Variants in PCYT1A observed in about 807,000 individuals in gnomAD.
The protein encoded by PCYT1A is phosphate cytidylyltransferase 1A, choline.
A neutral mutation model predicts 43.7 loss-of-function variants in PCYT1A; 25 were observed. The observed-to-expected ratio is 0.57, with a 90% confidence interval of 0.42 to 0.80. The LOEUF is 0.80. Ranked by LOEUF, PCYT1A falls within the 30% of genes least tolerant of loss-of-function variation. PCYT1A has a pLI of 0.00. For synonymous variants in PCYT1A, 172 were observed against 170.7 expected, an observed-to-expected ratio of 1.01 and a Z score of -0.06; for missense variants, 421 against 474.2, an observed-to-expected ratio of 0.89 and a Z score of 1.04.
rs1218406710 is a variant in PCYT1A, at chr3:196,252,613, C to G, written c.218-4290G>C. On this transcript the variant is annotated intron_variant, in intron 3 of 8. Transcript: ENST00000431016. This position sits in a 1 kb window ranked among gnomAD's most constrained non-coding sequence, Gnocchi z 4.0. ...TTAAATATACCAATCCAATGAAAAA[C>G]TAAGAATTAATTAATGGATTTAAGA... Among the ~76,000 whole-genome samples, 2 of 152,182 alleles carry G rather than the reference C, an allele frequency of 1.3e-5. No individual in the cohort carries two copies. The highest frequency in any genetic ancestry group is 2.9e-5 in the Non-Finnish European group (2 of 68,034).
rs1450269951 is a variant in PCYT1A at position 196,252,140 on chromosome 3, TGCACACCGCCACGCCCCACTGGCTACAGC to T, written c.218-3846_218-3818del. Among the ~76,000 whole-genome samples the T allele has an allele frequency of 1.4e-4, 21 of 150,994 alleles. No homozygotes were observed. The highest frequency in any genetic ancestry group is 9.9e-4 in the Admixed American group (15 of 15,148). On this transcript the variant is annotated intron_variant, in intron 3 of 8. Coordinates refer to ENST00000431016, the MANE Select transcript of PCYT1A (RefSeq NM_001312673.2). The surrounding 1 kb of genome is among the most constrained non-coding windows in gnomAD (Gnocchi z 4.0). ...CCCCGCCACGCCCCACTGGCTACAGTGCACACCGCCACGCCCCACTGGCTACAGCGCACACCACTACGCTCAGCTGATTT... is the reference window on the plus strand; with the variant it reads ...CCCCGCCACGCCCCACTGGCTACAGTGCACACCACTACGCTCAGCTGATTT...
chr3:196,253,813 G>T (rs993039514), intron 3 of PCYT1A, among the ~76,000 whole-genome samples: 1 of 152,002 alleles, frequency 6.6e-6, no homozygotes, highest in Non-Finnish European at 1.5e-5. Context: ...GAAAGCTAGC[G>T]TTAGCCATTC....
intron 2 of PCYT1A, among the ~76,000 whole-genome samples, chr3:196,270,098 AG>A (rs1725387555): frequency 6.6e-6 from 1 of 152,180 alleles, no homozygotes; most frequent in African/African-American, 2.4e-5. Flanking sequence ...TCCTGACCTC[AG>A]GTGATCCTCC....
rs1724157009 is a variant in PCYT1A, at chr3:196,236,173, G to C, written c.*2515C>G. 1 of 152,184 alleles carries C rather than the reference G, an allele frequency of 6.6e-6. No homozygotes were observed. The highest frequency in any genetic ancestry group is 2.1e-4 in the South Asian group (1 of 4,824). 9.4% of individuals were successfully genotyped at this position (152,184 alleles called of 1,614,324 possible). On this transcript the variant is annotated 3_prime_UTR_variant, in exon 9 of 9. Transcript: ENST00000431016. ...AGAGGAAGAGGGCTCAAACATTTGG[G>C]ACCCAGACAATATATTTAGGAGGTA...
chr3:196,269,441 T>C (rs1405643503), intron 2 of PCYT1A, among the ~76,000 whole-genome samples: 2 of 152,184 alleles, frequency 1.3e-5, no homozygotes, highest in Non-Finnish European at 2.9e-5. Flanking sequence ...CACTGGGATT[T>C]TGAAACACAG....
intron 1 of PCYT1A, among the ~76,000 whole-genome samples, chr3:196,281,154 A>G (rs963707854): frequency 6.6e-5 from 10 of 152,182 alleles, no homozygotes; most frequent in African/African-American, 2.2e-4. Context: ...CAGACTTTAC[A>G]TTTGGGATGT....
Position 196,273,563 on chromosome 3 carries a change from A to C in PCYT1A, c.-10-3022T>G, listed in dbSNP as rs1025414525. Among the ~76,000 whole-genome samples, 1 of 150,686 alleles carries C rather than the reference A, an allele frequency of 6.6e-6. No homozygotes were observed. Among genetic ancestry groups the C allele is most frequent in the Admixed American group, 6.6e-5 (1 of 15,222 alleles). On this transcript the variant is annotated intron_variant, in intron 1 of 8. Coordinates refer to ENST00000431016, the MANE Select transcript of PCYT1A (RefSeq NM_001312673.2). The surrounding 1 kb of genome is among the most constrained non-coding windows in gnomAD (Gnocchi z 4.1). Reference sequence around the variant, plus strand: ...TCGTCCCAGCATCTGTGCAGCCCTCAGCGGAGAGGAGACCCAGAGTGGATA... The same window carrying C: ...TCGTCCCAGCATCTGTGCAGCCCTCCGCGGAGAGGAGACCCAGAGTGGATA...
intron 7 of PCYT1A, 128 bp downstream of exon 7, chr3:196,241,820 T>C (rs1191103230): frequency 8.2e-7 from 1 of 1,225,958 alleles, no homozygotes; most frequent in East Asian, 2.4e-5. Flanking sequence ...AACATAGTGG[T>C]AATTCATTCA....
chr3:196,270,368 G>A, intron 2 of PCYT1A, 47 bp downstream of exon 2: 1 of 1,084,174 alleles, frequency 9.2e-7, no homozygotes, highest in Non-Finnish European at 1.4e-6. Flanking sequence ...TATCATCAAT[G>A]TCATATCGGT....
chr3:196,239,272 T>C (rs1724278694), intron 8 of PCYT1A, among the ~76,000 whole-genome samples: 1 of 152,216 alleles, frequency 6.6e-6, no homozygotes, highest in Non-Finnish European at 1.5e-5. Context: ...CTATCTAAAA[T>C]CATACCACAG....
rs1358377462 is a variant in PCYT1A at position 196,247,552 on chromosome 3, T to C, written c.335-34A>G. On this transcript the variant is annotated intron_variant, in intron 4 of 8. Coordinates refer to ENST00000431016, the MANE Select transcript of PCYT1A (RefSeq NM_001312673.2). This position sits in a 1 kb window ranked among gnomAD's most constrained non-coding sequence, Gnocchi z 4.8. ...CCACATCATAAATTGTGTGTTGGAG[T>C]CCTCTTTGCTTAGCACCTCCTCAGC... 1.2e-6 allele frequency: 2 copies of C among 1,608,990 alleles called. No individual in the cohort carries two copies. The highest frequency in any genetic ancestry group is 4.5e-5 in the East Asian group (2 of 44,850).
At chr3:196,245,369 A>C (rs1384008409) in intron 5 of PCYT1A, among the ~76,000 whole-genome samples, 1 of 152,106 alleles carries the variant, frequency 6.6e-6, no homozygotes, top group African/African-American at 2.4e-5. Flanking sequence ...CGAACTCCTG[A>C]CCTCAAGTGA....
intron 1 of PCYT1A, among the ~76,000 whole-genome samples, chr3:196,286,339 G>A (rs1033330612): frequency 3.3e-5 from 5 of 152,128 alleles, no homozygotes; most frequent in African/African-American, 1.2e-4. Context: ...GTTAGGCCAG[G>A]CTAATACAGC....
At chr3:196,253,092 C>G (rs771494588) in intron 3 of PCYT1A, among the ~76,000 whole-genome samples, 7 of 152,044 alleles carry the variant, frequency 4.6e-5, no homozygotes, top group Non-Finnish European at 8.8e-5. Context: ...AATCCCAGCA[C>G]TTTGGGAGGC....
rs558373732 is a variant in PCYT1A at position 196,247,445 on chromosome 3, G to A, written c.408C>T (p.Val136=). The A allele has an allele frequency of 1.9e-6, 3 of 1,614,100 alleles. No individual in the cohort carries two copies. Among genetic ancestry groups the A allele is most frequent in the Admixed American group, 3.3e-5 (2 of 60,024 alleles). The change falls in exon 5 of 9, where the codon GTC becomes GTT. Residue 136 remains valine (V), a synonymous_variant. Transcript: ENST00000431016. This position sits in a 1 kb window ranked among gnomAD's most constrained non-coding sequence, Gnocchi z 4.8. ...CCTCATCCACGTAGCGGCAGTGCTG[G>A]ACTGCGTCATAGCGCTCATTCTCGT... ...VMNENERYDA[V]QHCRYVDEVV...
Position 196,238,732 on chromosome 3 carries a change from G to A in PCYT1A, c.1060C>T (p.His354Tyr), listed in dbSNP as rs774160718. ...PPCSPANLSRHKAAAYDISED... is the reference protein window; with the variant it reads ...PPCSPANLSRYKAAAYDISED... ...CTGATATCATAGGCTGCAGCCTTGTGCCTGGAGAGATTTGCTGGGGAGCAA... is the reference window on the plus strand; with the variant it reads ...CTGATATCATAGGCTGCAGCCTTGTACCTGGAGAGATTTGCTGGGGAGCAA... The change falls in exon 9 of 9, where the codon CAC (histidine) becomes TAC (tyrosine). Residue 354 changes from histidine to tyrosine, a missense_variant. His to Tyr is a moderately conservative substitution (Grantham distance 83, BLOSUM62 2). Around this residue, in one of 3 missense-constraint regions of PCYT1A, gnomAD observed 108 missense variants for 85.7 expected, o/e 1.26. Coordinates refer to ENST00000431016, the MANE Select transcript of PCYT1A (RefSeq NM_001312673.2). The A allele has an allele frequency of 1.6e-5, 25 of 1,592,306 alleles. No individual in the cohort carries two copies. The highest frequency in any genetic ancestry group is 1.2e-4 in the East Asian group (5 of 42,232).
chr3:196,279,303 A>G (rs984188961), intron 1 of PCYT1A, among the ~76,000 whole-genome samples: 1 of 144,576 alleles, frequency 6.9e-6, no homozygotes, highest in Admixed American at 7.2e-5. Context: ...AAAAAAAAAA[A>G]GGGCTGACAG....
intron 3 of PCYT1A, among the ~76,000 whole-genome samples, chr3:196,255,825 T>C (rs72611188): frequency 0.24 from 36,739 of 152,198 alleles, 6,206 homozygotes; most frequent in East Asian, 0.82. Context: ...TCTAAATGAA[T>C]AGCTGATTGT....
intron 5 of PCYT1A, among the ~76,000 whole-genome samples, chr3:196,245,406 C>T (rs1175894086): frequency 6.6e-6 from 1 of 152,162 alleles, no homozygotes; most frequent in Admixed American, 6.6e-5. Flanking sequence ...TCCCAAAGTG[C>T]TGGGATTACA....
Sources: allele counts gnomAD v4.1 joint callset (sites outside exome capture counted in the v4.1 genomes callset), GRCh38; gene constraint gnomAD v4.1.1; regional missense constraint gnomAD v4.1.1; non-coding constraint Gnocchi (gnomAD v3.1); transcripts MANE v1.5; gene names NCBI Gene and HGNC (gene_info 2026-07-23, HGNC 2026-07-21).